The following SDR16C5 variants were observed in gnomAD, a reference collection of about 807,000 sequenced individuals.
SDR16C5 encodes short chain dehydrogenase/reductase family 16C member 5.
A neutral mutation model predicts 27.7 loss-of-function variants in SDR16C5; 20 were observed. That is an observed-to-expected ratio of 0.72 (90% CI 0.51 to 1.05). SDR16C5 has a LOEUF of 1.05. Among genes scored for constraint, SDR16C5 ranks in the 50% least tolerant of loss-of-function variants. The pLI is 0.00. For missense variants in SDR16C5, 374 were observed against 366.3 expected (o/e 1.02, Z -0.17); for synonymous variants, 139 against 132.3 (o/e 1.05, Z -0.35).
Position 56,309,235 on chromosome 8 carries a change from T to C in SDR16C5, c.466-208A>G, listed in dbSNP as rs1033775082. 6 of 854,890 alleles carry C rather than the reference T, an allele frequency of 7.0e-6. No individual in the cohort carries two copies. The African/African-American group carries it at 1.1e-4, about 16-fold the overall frequency. 53.0% of individuals were successfully genotyped at this position (854,890 alleles called of 1,614,324 possible). A position where few individuals can be genotyped will look rare whatever the true frequency, so the allele number is the denominator to read the frequency against. On this transcript the variant is annotated intron_variant, in intron 3 of 6. Transcript: ENST00000303749. ...TCAGTTTTTTATGGCAATTCCAGTATTATTAAAATAATTTATTCAGACTTA... is the reference window on the plus strand; with the variant it reads ...TCAGTTTTTTATGGCAATTCCAGTACTATTAAAATAATTTATTCAGACTTA...
At chr8:56,306,292 C>T (rs1421611245) in intron 5 of SDR16C5, among the ~76,000 whole-genome samples, 1 of 152,142 alleles carries the variant, frequency 6.6e-6, no homozygotes, top group Non-Finnish European at 1.5e-5. Context: ...TTTAAGCCAC[C>T]TAGTGTATGA....
intron 6 of SDR16C5, chr8:56,304,005 G>A (rs1481685361): frequency 5.5e-5 from 39 of 702,834 alleles, no homozygotes; most frequent in East Asian, 1.3e-4. Flanking sequence ...CCTGAATTTC[G>A]AATTGCTTGT....
Position 56,301,146 on chromosome 8 carries a change from T to A in SDR16C5, c.*334A>T, listed in dbSNP as rs181786475. On this transcript the variant is annotated 3_prime_UTR_variant, in exon 7 of 7. Coordinates refer to ENST00000303749, the MANE Select transcript of SDR16C5 (RefSeq NM_138969.4). ...AGGCAGGTCAACCACAGCCGCTGGC[T>A]CCATTTGAGCCACCTCCCCAACGAC... 168 of 225,878 alleles carry A rather than the reference T, an allele frequency of 7.4e-4. No homozygotes were observed. The highest frequency in any genetic ancestry group is 3.6e-3 in the African/African-American group (157 of 43,522). The allele number at this position is 225,878 out of a possible 1,614,324, so 14.0% of individuals were successfully genotyped here. A position where few individuals can be genotyped will look rare whatever the true frequency, so the allele number is the denominator to read the frequency against.
chr8:56,317,585 A>G (rs907941629), intron 1 of SDR16C5, among the ~76,000 whole-genome samples: 1 of 152,194 alleles, frequency 6.6e-6, no homozygotes. Flanking sequence ...GAGTAATGAA[A>G]AAAGAGCAGG....
chr8:56,312,070 G>T, intron 3 of SDR16C5, 87 bp downstream of exon 3: 1 of 1,155,922 alleles, frequency 8.7e-7, no homozygotes, highest in Non-Finnish European at 1.3e-6. Flanking sequence ...TTACTTAGAG[G>T]CTAATAATAT....
At position 56,316,236 on chromosome 8, in the gene SDR16C5, C is replaced by G. The variant is rs375058601; in HGVS notation, c.112G>C (p.Val38Leu). Residue 38 changes from valine to leucine, a missense_variant, in exon 2 of 7, where the codon GTT (valine) becomes CTT (leucine). Coordinates refer to ENST00000303749, the MANE Select transcript of SDR16C5 (RefSeq NM_138969.4). ...GTGATGAGGACTATTTCACCAGCAACGTTCTTCCGTGGCTTTGGGAGTAAG... is the reference window on the plus strand; with the variant it reads ...GTGATGAGGACTATTTCACCAGCAAGGTTCTTCCGTGGCTTTGGGAGTAAG... ...FALLPKPRKN[V>L]AGEIVLITGA... The G allele has an allele frequency of 6.2e-7, 1 of 1,614,038 alleles. No individual in the cohort carries two copies. Among genetic ancestry groups the G allele is most frequent in the Admixed American group, 1.7e-5 (1 of 60,026 alleles).
intron 3 of SDR16C5, among the ~76,000 whole-genome samples, chr8:56,310,134 GGGAGGAGGAGGAGGAGGAA>G (rs1563441049): frequency 8.7e-5 from 4 of 45,794 alleles, no homozygotes; most frequent in African/African-American, 4.6e-4. Flanking sequence ...AGGAGGAGGA[GGGAGGAGGAGGAGGAGGAA>G]GGAGGAGGAG....
At position 56,300,654 on chromosome 8, in the gene SDR16C5, A is replaced by C. The variant is rs1814727415; in HGVS notation, c.*826T>G. 6.6e-6 allele frequency: 1 copy of C among 152,234 alleles called. No individual in the cohort carries two copies. Among genetic ancestry groups the C allele is most frequent in the African/African-American group, 2.4e-5 (1 of 41,444 alleles). The allele number at this position is 152,234 out of a possible 1,614,324, so 9.4% of individuals were successfully genotyped here. ...ATGCCTCAACCTGAATCCCAACTTG[A>C]AATACTAAGTTGAACACTTAACTTT... is the stretch of plus-strand genomic sequence containing the variant. On this transcript the variant is annotated 3_prime_UTR_variant, in exon 7 of 7. Coordinates refer to ENST00000303749, the MANE Select transcript of SDR16C5 (RefSeq NM_138969.4).
intron 1 of SDR16C5, among the ~76,000 whole-genome samples, chr8:56,319,803 G>A (rs1365042822): frequency 6.6e-6 from 1 of 152,192 alleles, no homozygotes; most frequent in African/African-American, 2.4e-5. Context: ...GAGGCTGGCA[G>A]CTCACCCCCG....
chr8:56,314,076 G>C (rs1037702031), intron 2 of SDR16C5, among the ~76,000 whole-genome samples: 5 of 152,010 alleles, frequency 3.3e-5, no homozygotes, highest in Non-Finnish European at 7.4e-5. Flanking sequence ...GCGTGGTAGC[G>C]TGCACCTGTA....
chr8:56,307,551 C>T (rs1718234378), intron 4 of SDR16C5, among the ~76,000 whole-genome samples: 1 of 152,224 alleles, frequency 6.6e-6, no homozygotes, highest in African/African-American at 2.4e-5. Flanking sequence ...TTTAAACTTG[C>T]TATGTTACGG....
chr8:56,309,169 C>T (rs539873493), intron 3 of SDR16C5, 142 bp from the exon 4 acceptor site: 1 of 930,966 alleles, frequency 1.1e-6, no homozygotes, highest in South Asian at 3.8e-5. Flanking sequence ...AAAACTTAAA[C>T]ATCTGGAAAG....
chr8:56,312,966 C>A (rs1209820925), intron 2 of SDR16C5, among the ~76,000 whole-genome samples: 1 of 151,998 alleles, frequency 6.6e-6, no homozygotes, highest in African/African-American at 2.4e-5. Flanking sequence ...TTAGTAGAGA[C>A]AGGTTTTCAC....
chr8:56,311,532 C>A (rs969307067), intron 3 of SDR16C5, among the ~76,000 whole-genome samples: 1 of 152,172 alleles, frequency 6.6e-6, no homozygotes, highest in African/African-American at 2.4e-5. Flanking sequence ...CTGGTCTCAG[C>A]AAAGGCCAGA....
chr8:56,316,559 T>G (rs1815203832), intron 1 of SDR16C5, among the ~76,000 whole-genome samples, 198 bp from the exon 2 acceptor site: 1 of 152,234 alleles, frequency 6.6e-6, no homozygotes, highest in South Asian at 2.1e-4. Flanking sequence ...CTTTCTTACT[T>G]GGCCCCAGGC....
intron 1 of SDR16C5, among the ~76,000 whole-genome samples, chr8:56,318,303 T>G (rs143438493): frequency 1.1e-3 from 169 of 152,376 alleles, no homozygotes; most frequent in Non-Finnish European, 2.1e-3. Flanking sequence ...TCAAACTCTC[T>G]GTGATCTTTG....
intron 2 of SDR16C5, among the ~76,000 whole-genome samples, chr8:56,314,205 C>CA (rs34303036): frequency 0.56 from 83,460 of 150,254 alleles, 23,117 homozygotes; most frequent in Middle Eastern, 0.65. Flanking sequence ...GACTCTGTCT[C>CA]AAAAAAAAAA....
At chr8:56,311,515 G>A (rs1038238332) in intron 3 of SDR16C5, among the ~76,000 whole-genome samples, 3 of 152,200 alleles carry the variant, frequency 2.0e-5, no homozygotes, top group African/African-American at 7.2e-5. Context: ...GGGGAGGCCT[G>A]AGATGGCTGG....
At chr8:56,302,434 G>C (rs575143716) in intron 6 of SDR16C5, among the ~76,000 whole-genome samples, 20 of 152,292 alleles carry the variant, frequency 1.3e-4, no homozygotes, top group African/African-American at 4.3e-4. Flanking sequence ...CAGCACTTTA[G>C]GAGGCTGAGG....
Sources: gnomAD v4.1 joint callset for allele counts (sites outside exome capture counted in the v4.1 genomes callset) on GRCh38, gnomAD v4.1.1 for gene constraint, MANE v1.5 for transcripts, NCBI Gene and HGNC (gene_info 2026-07-23, HGNC 2026-07-21) for gene names.